Variants in RECQL5 observed in about 807,000 individuals in gnomAD.
RECQL5 encodes the protein ATP-dependent DNA helicase Q5.
In RECQL5, 88 loss-of-function variants were observed where a neutral mutation model predicts 103.4. The ratio of observed to expected loss-of-function variants is 0.85; its 90% CI spans 0.72 to 1.02. The LOEUF is 1.02. RECQL5 is among the 50% of genes least tolerant of loss of function. The pLI is 0.00. For missense variants in RECQL5, 1,232 were observed against 1,284.3 expected (o/e 0.96, Z 0.62); for synonymous variants, 552 against 507.9 (o/e 1.09, Z -1.17).
In RECQL5 at chr17:75,629,709, G is replaced by T. The variant is rs774610615; in HGVS notation, c.1946C>A (p.Ser649Ter). The T allele has an allele frequency of 2.5e-6, 4 of 1,607,936 alleles. No individual in the cohort carries two copies. The South Asian group carries it at 4.4e-5, about 18-fold the overall frequency. Residue 649 changes from serine (S) to a stop codon, truncating the protein, a stop_gained and splice_region_variant, in exon 15 of 20, where the codon TCG becomes TAG. Transcript: ENST00000317905. LOFTEE classifies it high-confidence loss of function. The stretch of plus-strand genomic sequence containing the variant: ...GGAGGCCACTGGGCCACAGCTCACC[G>T]AGTACACATGGGAGGCTGGTGGAAT... ...YDIPPASHVY[S>*]LKPKRVGAGF...
chr17:75,641,161 C>T, intron 8 of RECQL5: 1 of 474,722 alleles, frequency 2.1e-6, no homozygotes, highest in Non-Finnish European at 3.7e-6. Flanking sequence ...GCCTGGGCTT[C>T]TTCGCCTACC....
rs201916143 is a variant in RECQL5 at position 75,629,429 on chromosome 17, G to A, written c.1994C>T (p.Pro665Leu). 791 of 1,506,238 alleles carry A rather than the reference G, an allele frequency of 5.3e-4. 1 individual carries two copies. The African/African-American group carries it at 7.3e-3, about 14-fold the overall frequency. The allele number at this position is 1,506,238 out of a possible 1,614,324, so 93.3% of individuals were successfully genotyped here. A position where few individuals can be genotyped will look rare whatever the true frequency, so the allele number is the denominator to read the frequency against. ...VGAGFPKGSC[P>L]FQTATELMET... ...CATCAGTTCCGTGGCCGTCTGGAACGGGCAGGAGCCTTTGGGGAAACCAGC... is the reference window on the plus strand; with the variant it reads ...CATCAGTTCCGTGGCCGTCTGGAACAGGCAGGAGCCTTTGGGGAAACCAGC... Residue 665 changes from proline (P) to leucine (L), a missense_variant, in exon 16 of 20, where the codon CCG becomes CTG. Pro to Leu is a moderately conservative substitution (Grantham distance 98, BLOSUM62 -3). Transcript: ENST00000317905.
intron 8 of RECQL5, among the ~76,000 whole-genome samples, chr17:75,644,820 C>A (rs2059471330): frequency 1.9e-5 from 2 of 106,658 alleles, no homozygotes; most frequent in South Asian, 3.6e-4. Flanking sequence ...CAGAGTGAGA[C>A]TCTGCCTCAA....
intron 8 of RECQL5, among the ~76,000 whole-genome samples, chr17:75,645,766 C>G (rs2059481747): frequency 6.6e-6 from 1 of 152,260 alleles, no homozygotes; most frequent in Admixed American, 6.5e-5. Flanking sequence ...TCATCCAACC[C>G]TGGCCACACC....
intron 7 of RECQL5, among the ~76,000 whole-genome samples, chr17:75,656,806 G>T (rs144307568): frequency 3.4e-5 from 5 of 145,650 alleles, no homozygotes; most frequent in Non-Finnish European, 6.0e-5. Context: ...GTGCAGAGGC[G>T]TGATCTCGGC....
At chr17:75,649,703 T>C (rs534738814) in intron 8 of RECQL5, 1 of 985,490 alleles carries the variant, frequency 1.0e-6, no homozygotes, top group Admixed American at 6.1e-5. Context: ...CAAAGAACAG[T>C]AGCCAATACA....
chr17:75,630,530 C>T, intron 13 of RECQL5, 89 bp downstream of exon 13: 3 of 1,404,880 alleles, frequency 2.1e-6, no homozygotes, highest in Non-Finnish European at 3.0e-6. Context: ...GGAGAGGTGG[C>T]CCAAACAGGC....
At position 75,667,143 on chromosome 17, in the gene RECQL5, C is replaced by G. The variant is rs1028923072; in HGVS notation, c.-114G>C. On this transcript the variant is annotated 5_prime_UTR_variant, in exon 1 of 20. Coordinates refer to ENST00000317905, the MANE Select transcript of RECQL5 (RefSeq NM_004259.7). ...CAACCCCAACTCAGAGAAGCCAAAG[C>G]GCTGGGAATTCAGCTTTAGGCAGAA... The G allele has an allele frequency of 5.4e-6, 3 of 556,636 alleles. No homozygotes were observed. The Admixed American group carries it at 9.5e-5, about 18-fold the overall frequency. 34.5% of individuals were successfully genotyped at this position (556,636 alleles called of 1,614,324 possible).
At chr17:75,645,830 AGACT>A (rs1358130994) in intron 8 of RECQL5, among the ~76,000 whole-genome samples, 2 of 152,180 alleles carry the variant, frequency 1.3e-5, no homozygotes, top group African/African-American at 4.8e-5. Context: ...GCAACCCCAG[AGACT>A]GATATAAGTG....
Position 75,630,822 on chromosome 17 carries a change from A to T in RECQL5, c.1601T>A (p.Leu534Gln). The part of the protein sequence containing the change: ...EFVPPDENCP[L>Q]KEASSRRIPR... ...GATCCTCCTGCTAGAAGCCTCTTTCAGGGGACAGTTCTCATCTGTGGGGGG... is the reference window on the plus strand; with the variant it reads ...GATCCTCCTGCTAGAAGCCTCTTTCTGGGGACAGTTCTCATCTGTGGGGGG... Residue 534 changes from leucine to glutamine, a missense_variant, in exon 12 of 20, where the codon CTG becomes CAG. Physicochemically the swap from Leu to Gln is moderately radical, Grantham distance 113. Transcript: ENST00000317905. 8.3e-7 allele frequency: 1 copy of T among 1,209,360 alleles called. No homozygotes were observed. The highest frequency in any genetic ancestry group is 2.2e-5 in the African/African-American group (1 of 46,506). The allele number at this position is 1,209,360 out of a possible 1,614,324, so 74.9% of individuals were successfully genotyped here. A position where few individuals can be genotyped will look rare whatever the true frequency, so the allele number is the denominator to read the frequency against.
intron 8 of RECQL5, chr17:75,635,950 C>A (rs820200): frequency 0.34 from 250,096 of 736,904 alleles, 43,093 homozygotes; most frequent in East Asian, 0.49. Flanking sequence ...CTGCCTGTTG[C>A]AAGGCTCCGT....
chr17:75,663,031 C>G (rs777251558), intron 3 of RECQL5, 34 bp from the exon 4 acceptor site: 1 of 1,545,400 alleles, frequency 6.5e-7, no homozygotes, highest in South Asian at 1.3e-5. Context: ...AACTGGCCCT[C>G]AGGACTCAGG....
At chr17:75,664,930 A>AAT in intron 3 of RECQL5, 121 bp downstream of exon 3, 3 of 1,251,194 alleles carry the variant, frequency 2.4e-6, no homozygotes, top group Non-Finnish European at 2.1e-6. Context: ...AAAAAAAAAA[A>AAT]GGAAAAAGAA....
Position 75,627,351 on chromosome 17 carries a change from G to A in RECQL5, c.*71C>T. 2.6e-6 allele frequency: 3 copies of A among 1,134,918 alleles called. No homozygotes were observed. Among genetic ancestry groups the A allele is most frequent in the Non-Finnish European group, 2.7e-6 (2 of 752,624 alleles). 70.3% of individuals were successfully genotyped at this position (1,134,918 alleles called of 1,614,324 possible). ...AGAAAAGACGATGGCCCTGGCATCA[G>A]CAGGTGAGGCCCAGGATGACCCATG... On this transcript the variant is annotated 3_prime_UTR_variant, in exon 20 of 20. Transcript: ENST00000317905.
intron 9 of RECQL5, 47 bp downstream of exon 9, chr17:75,631,403 G>C: frequency 6.3e-7 from 1 of 1,585,402 alleles, no homozygotes; most frequent in Non-Finnish European, 8.6e-7. Flanking sequence ...CCAAGGGAAT[G>C]CCAGGCAATT....
Position 75,662,787 on chromosome 17 carries a change from C to T in RECQL5, c.463G>A (p.Val155Met). 1 of 1,614,114 alleles carries T rather than the reference C, an allele frequency of 6.2e-7. No homozygotes were observed. The highest frequency in any genetic ancestry group is 8.5e-7 in the Non-Finnish European group (1 of 1,180,040). ...GAAACACAATGAGCTTCATCCACCA[C>T]CAAGTAAGACAGCAGGTGGCGGGAC... ...LVSRHLLSYL[V>M]VDEAHCVSQW... is the part of the protein sequence containing the mutation. Residue 155 changes from valine to methionine, a missense_variant, in exon 4 of 20, where the codon GTG (valine) becomes ATG (methionine). Transcript: ENST00000317905.
rs2059198555 is a variant in RECQL5, at chr17:75,630,852, GGTGGTCCT to G, written c.1586-23_1586-16del. ...ACAGTTCTCATCTGTGGGGGGGGGG[GGTGGTCCT>G]TGGTCCTTTCGCTCCACCTTCTGCG... On this transcript the variant is annotated splice_polypyrimidine_tract_variant and intron_variant, in intron 11 of 19. Transcript: ENST00000317905. 1.3e-5 allele frequency: 18 copies of G among 1,433,462 alleles called. No homozygotes were observed. The highest frequency in any genetic ancestry group is 1.6e-5 in the Non-Finnish European group (17 of 1,060,298). 88.8% of individuals were successfully genotyped at this position (1,433,462 alleles called of 1,614,324 possible).
chr17:75,665,644 C>T (rs921494350), intron 2 of RECQL5, among the ~76,000 whole-genome samples: 1 of 148,862 alleles, frequency 6.7e-6, no homozygotes, highest in Admixed American at 6.8e-5. Context: ...GAGCCGAGAT[C>T]GCGCCACTGC....
At chr17:75,630,928 G>A in intron 11 of RECQL5, 46 bp downstream of exon 11, 1 of 1,605,522 alleles carries the variant, frequency 6.2e-7, no homozygotes, top group Non-Finnish European at 8.5e-7. Context: ...CTCCCTCCAT[G>A]CCCCGGGAAG....
Sources: allele counts gnomAD v4.1 joint callset (sites outside exome capture counted in the v4.1 genomes callset), GRCh38; gene constraint gnomAD v4.1.1; transcripts MANE v1.5; gene names NCBI Gene and HGNC (gene_info 2026-07-23, HGNC 2026-07-21).